The following TAOK3 variants were observed in gnomAD, a reference collection of about 807,000 sequenced individuals.
TAOK3 encodes the protein TAO kinase 3.
In TAOK3, 40 loss-of-function variants were observed where a neutral mutation model predicts 120.4. The observed-to-expected ratio is 0.33, with a 90% CI of 0.26 to 0.43. The LOEUF is 0.43. Ranked by LOEUF, TAOK3 falls within the 20% of genes least tolerant of loss-of-function variation. The pLI, the probability that TAOK3 is intolerant of heterozygous loss-of-function variation, is 1.00. For missense variants in TAOK3, 821 were observed against 1,112.1 expected, an observed-to-expected ratio of 0.74 and a Z score of 3.72; for synonymous variants, 355 against 387.5, an observed-to-expected ratio of 0.92 and a Z score of 0.99.
rs778611111 is a variant in TAOK3 at position 118,235,587 on chromosome 12, A to C, written c.522T>G (p.Pro174=). 3.1e-6 allele frequency: 5 copies of C among 1,614,004 alleles called. No homozygotes were observed. In the South Asian group the frequency reaches 5.5e-5, roughly 18 times the overall value. ...AAGGTGTGCCCACGAAGGAGTTGGCAGGAGAAGCCATTGAAGCAGATCCAA... is the reference window on the plus strand; with the variant it reads ...AAGGTGTGCCCACGAAGGAGTTGGCCGGAGAAGCCATTGAAGCAGATCCAA... ...ADFGSASMAS[P]ANSFVGTPYW... is the part of the protein sequence containing the mutation. Residue 174 remains proline, a synonymous_variant, in exon 8 of 21, where the codon CCT becomes CCG. Transcript: ENST00000392533.
At chr12:118,291,633 C>T (rs1018743662) in intron 1 of TAOK3, among the ~76,000 whole-genome samples, 1 of 151,994 alleles carries the variant, frequency 6.6e-6, no homozygotes, top group East Asian at 1.9e-4. Context: ...TATCCAAATG[C>T]CAATAATTTC....
chr12:118,342,503 AATCAACATAGT>A (rs1376931324), intron 1 of TAOK3, among the ~76,000 whole-genome samples: 2 of 152,230 alleles, frequency 1.3e-5, no homozygotes, highest in African/African-American at 4.8e-5. Context: ...AGCATGCAGA[AATCAACATAGT>A]TAAAGCCAGA....
intron 15 of TAOK3, 104 bp downstream of exon 15, chr12:118,181,267 C>T: frequency 2.0e-6 from 2 of 1,018,738 alleles, no homozygotes; most frequent in Non-Finnish European, 1.5e-6. Context: ...CCGGAAACAA[C>T]AATTTTCCTC....
At chr12:118,295,463 C>G (rs2140597255) in intron 1 of TAOK3, 1 of 152,294 alleles carries the variant, frequency 6.6e-6, no homozygotes, top group Admixed American at 6.5e-5. Flanking sequence ...TCGGTATACT[C>G]ATTATATGTT....
In TAOK3 at chr12:118,161,140, T is replaced by G. The variant is rs559394408; in HGVS notation, c.2139+648A>C. Among the ~76,000 whole-genome samples, 1 of 152,238 alleles carries G rather than the reference T, an allele frequency of 6.6e-6. No individual in the cohort carries two copies. The highest frequency in any genetic ancestry group is 1.5e-5 in the Non-Finnish European group (1 of 68,046). On this transcript the variant is annotated intron_variant, in intron 18 of 20. Coordinates refer to ENST00000392533, the MANE Select transcript of TAOK3 (RefSeq NM_016281.4). This position sits in a 1 kb window ranked among gnomAD's most constrained non-coding sequence, Gnocchi z 4.5. ...CTTAGAATTTGACTGAAGAGACGCA[T>G]AGCCAGTGTGATCCAGGTTGGCCTC... is the stretch of plus-strand genomic sequence containing the variant.
intron 1 of TAOK3, among the ~76,000 whole-genome samples, chr12:118,314,881 G>A (rs2043390575): frequency 6.6e-6 from 1 of 151,760 alleles, no homozygotes; most frequent in African/African-American, 2.4e-5. Context: ...AGATGCGCAT[G>A]ACTATTGCAT....
chr12:118,167,669 CTT>C (rs74263402), intron 17 of TAOK3, among the ~76,000 whole-genome samples: 1,466 of 139,810 alleles, frequency 0.01, 12 homozygotes, highest in Middle Eastern at 0.015. Flanking sequence ...TTTATAGGCT[CTT>C]TTTTTTTTTT....
chr12:118,270,175 C>T (rs935919245), intron 1 of TAOK3, among the ~76,000 whole-genome samples: 13 of 152,178 alleles, frequency 8.5e-5, no homozygotes, highest in Non-Finnish European at 1.8e-4. Flanking sequence ...CGGCTTCTCC[C>T]CTAAATGGCT....
chr12:118,321,075 GA>G (rs539457412), intron 1 of TAOK3, among the ~76,000 whole-genome samples: 1 of 152,040 alleles, frequency 6.6e-6, no homozygotes, highest in Non-Finnish European at 1.5e-5. Flanking sequence ...AAAGATCATG[GA>G]AAAAATCTAG....
Position 118,262,943 on chromosome 12 carries a change from G to A in TAOK3, c.-89+3712C>T, listed in dbSNP as rs1054619002. Among the ~76,000 whole-genome samples, 11 of 152,024 alleles carry A rather than the reference G, an allele frequency of 7.2e-5. No homozygotes were observed. In the East Asian group the frequency reaches 1.4e-3, roughly 19 times the overall value. On this transcript the variant is annotated intron_variant, in intron 2 of 20. Coordinates refer to ENST00000392533, the MANE Select transcript of TAOK3 (RefSeq NM_016281.4). ...ATAAAGACATAATGAAGGGATATACGGTGTTTATAAATCAGAAGACTCAAC... is the reference window on the plus strand; with the variant it reads ...ATAAAGACATAATGAAGGGATATACAGTGTTTATAAATCAGAAGACTCAAC...
At chr12:118,175,652 G>A (rs1306201931) in intron 16 of TAOK3, among the ~76,000 whole-genome samples, 1 of 151,846 alleles carries the variant, frequency 6.6e-6, no homozygotes. Context: ...TAAAGAATAT[G>A]AGCTCAAACA....
At chr12:118,306,372 C>T (rs959824419) in intron 1 of TAOK3, among the ~76,000 whole-genome samples, 1 of 152,060 alleles carries the variant, frequency 6.6e-6, no homozygotes, top group Non-Finnish European at 1.5e-5. Context: ...TAGATAGGGT[C>T]TCACTATGTT....
In TAOK3 at chr12:118,270,649, T is replaced by G. The variant is rs118138523; in HGVS notation, c.-193-3890A>C. 9.0e-4 allele frequency among the ~76,000 whole-genome samples: 137 copies of G among 151,704 alleles called. 1 individual carries two copies. In the East Asian group the frequency reaches 0.016, roughly 18 times the overall value. ...ATAAGGCCCAAATCTCAGCTATTCT[T>G]ACAGTCCAGCTAAATGTCACTTTTT... On this transcript the variant is annotated intron_variant, in intron 1 of 20. Coordinates refer to ENST00000392533, the MANE Select transcript of TAOK3 (RefSeq NM_016281.4).
At chr12:118,197,643 A>G (rs1593126452) in intron 13 of TAOK3, among the ~76,000 whole-genome samples, 2 of 150,272 alleles carry the variant, frequency 1.3e-5, no homozygotes, top group Non-Finnish European at 3.0e-5. Context: ...GTCAGCACTC[A>G]TGATCACTCC....
chr12:118,213,047 C>T, intron 10 of TAOK3, 52 bp from the exon 11 acceptor site: 2 of 1,188,186 alleles, frequency 1.7e-6, no homozygotes, highest in Non-Finnish European at 2.3e-6. Context: ...GTAGAGCACA[C>T]TGATTACTTA....
Position 118,161,926 on chromosome 12 carries a change from T to G in TAOK3, c.2001A>C (p.Leu667Phe). Residue 667 changes from leucine to phenylalanine, a missense_variant, in exon 18 of 21, where the codon TTA (leucine) becomes TTC (phenylalanine). Physicochemically the swap from Leu to Phe is conservative, Grantham distance 22 (BLOSUM62 0). Transcript: ENST00000392533. The surrounding 1 kb of genome is among the most constrained non-coding windows in gnomAD (Gnocchi z 4.5). ...GGATCAGATCCATGCGTAGCTTCTG[T>G]AACGTGTGCAGCTGCCTGTACTCTA... ...RELEYRQLHT[L>F]QKLRMDLIRL... 6.2e-7 allele frequency: 1 copy of G among 1,614,186 alleles called. No individual in the cohort carries two copies. The highest frequency in any genetic ancestry group is 8.5e-7 in the Non-Finnish European group (1 of 1,180,040).
At chr12:118,365,107 G>A (rs2045706874) in intron 1 of TAOK3, among the ~76,000 whole-genome samples, 1 of 152,206 alleles carries the variant, frequency 6.6e-6, no homozygotes, top group Non-Finnish European at 1.5e-5. Context: ...GGCCAAAATA[G>A]GTGCCTAGAT....
chr12:118,312,274 C>T (rs1163399788), intron 1 of TAOK3, among the ~76,000 whole-genome samples: 1 of 151,504 alleles, frequency 6.6e-6, no homozygotes, highest in African/African-American at 2.4e-5. Context: ...TACTAAATTC[C>T]AAAGATTAAA....
intron 1 of TAOK3, among the ~76,000 whole-genome samples, chr12:118,328,516 A>G (rs1281876759): frequency 2.0e-5 from 3 of 152,194 alleles, no homozygotes; most frequent in Non-Finnish European, 4.4e-5. Context: ...CCCAACTTAC[A>G]TGGCGATGGA....
Sources: gnomAD v4.1 joint callset for allele counts (sites outside exome capture counted in the v4.1 genomes callset) on GRCh38, gnomAD v4.1.1 for gene constraint, Gnocchi (gnomAD v3.1) non-coding constraint, MANE v1.5 for transcripts, NCBI Gene and HGNC (gene_info 2026-07-23, HGNC 2026-07-21) for gene names.